TRMT2B: variants seen among roughly 807,000 people sequenced by gnomAD.
TRMT2B encodes tRNA (uracil-5-)-methyltransferase homolog B.
Under a neutral mutation model 39.7 loss-of-function variants are expected in TRMT2B, and 34 were observed. The observed-to-expected ratio is 0.86, with a 90% confidence interval of 0.65 to 1.14. TRMT2B has a LOEUF of 1.14. TRMT2B is among the 50% of genes most tolerant of loss of function. The pLI is 0.00. For missense variants in TRMT2B, 318 were observed against 377.2 expected (o/e 0.84, Z 1.30); for synonymous variants, 132 against 137.3 (o/e 0.96, Z 0.27).
the TRMT2B span, chrX:100,990,824 G>C: frequency 2.8e-6 from 1 of 353,712 alleles, no homozygotes; most frequent in East Asian, 5.3e-5. Context: ...GAACTTCTTT[G>C]CTGAGAATTA....
At chrX:100,999,552 C>G in the TRMT2B span, among the ~76,000 whole-genome samples, 1 of 112,016 alleles carries the variant, frequency 8.9e-6, no homozygotes, top group Non-Finnish European at 1.9e-5. Context: ...TATCTAATAC[C>G]ATAATACTGT....
the TRMT2B span, chrX:100,990,341 G>A: frequency 3.2e-6 from 3 of 923,679 alleles, no homozygotes; most frequent in Non-Finnish European, 4.0e-6. Context: ...AACAGAGAAA[G>A]TAAAAGAAAG....
chrX:100,988,040 T>A, the TRMT2B span, among the ~76,000 whole-genome samples: 8 of 110,718 alleles, frequency 7.2e-5, no homozygotes, highest in Non-Finnish European at 1.9e-5. Context: ...GTGATCAGAG[T>A]TTTGAGGAGC....
the TRMT2B span, among the ~76,000 whole-genome samples, chrX:100,989,071 C>A: frequency 1.1e-3 from 123 of 109,423 alleles, no homozygotes; most frequent in Non-Finnish European, 2.0e-3. Context: ...AATTAGGATG[C>A]ATCTATGCCA....
chrX:100,991,300 C>G, the TRMT2B span, among the ~76,000 whole-genome samples: 5 of 111,589 alleles, frequency 4.5e-5, no homozygotes, highest in African/African-American at 1.6e-4. Context: ...GATGCTCAAT[C>G]TATATTACCT....
chrX:101,004,497 G>A (rs1292300365), downstream of TRMT2B, among the ~76,000 whole-genome samples: 2 of 99,840 alleles, frequency 2.0e-5, no homozygotes, highest in Non-Finnish European at 4.2e-5. Flanking sequence ...GTTTTGTTTC[G>A]TTTTTGTTTT....
the TRMT2B span, among the ~76,000 whole-genome samples, chrX:100,993,242 G>A: frequency 1.8e-5 from 2 of 111,967 alleles, no homozygotes; most frequent in African/African-American, 6.5e-5. Flanking sequence ...TAAAAATCCA[G>A]ATCTCATGTG....
At chrX:100,977,347 G>A in the TRMT2B span, among the ~76,000 whole-genome samples, 3 of 96,728 alleles carry the variant, frequency 3.1e-5, no homozygotes. Context: ...CCACCCTGTA[G>A]TAATTATCCT....
intron 7 of TRMT2B, 144 bp downstream of exon 7, chrX:101,035,469 C>A: frequency 2.0e-6 from 1 of 512,059 alleles, no homozygotes. Flanking sequence ...ATGTTTTCTC[C>A]ATAGTTAGAA....
chrX:101,006,678 G>A (rs180993189), downstream of TRMT2B, among the ~76,000 whole-genome samples: 5 of 109,752 alleles, frequency 4.6e-5, no homozygotes, highest in African/African-American at 1.3e-4. Context: ...TAGCAAACAC[G>A]TGTAGTCCCA....
chrX:101,016,642 G>GTGTTTT (rs760927979), intron 13 of TRMT2B, among the ~76,000 whole-genome samples: 3 of 57,614 alleles, frequency 5.2e-5, no homozygotes, highest in African/African-American at 7.3e-5. Context: ...AATTTTCGTG[G>GTGTTTT]TTTTTTTTTT....
At chrX:100,993,233 A>G in the TRMT2B span, among the ~76,000 whole-genome samples, 1 of 112,036 alleles carries the variant, frequency 8.9e-6, no homozygotes, top group East Asian at 2.8e-4. Flanking sequence ...AGCTGCTCCT[A>G]AAAATCCAGA....
At chrX:100,984,679 C>T in the TRMT2B span, among the ~76,000 whole-genome samples, 12,131 of 111,460 alleles carry the variant, frequency 0.11, 911 homozygotes, top group African/African-American at 0.26. Context: ...ATATAGCTTA[C>T]GTTTTAGTTG....
intron 2 of TRMT2B, among the ~76,000 whole-genome samples, chrX:101,049,830 A>G (rs1486138948): frequency 9.1e-6 from 1 of 109,954 alleles, no homozygotes. Flanking sequence ...TACGTATTCG[A>G]TATGGAGGAT....
intron 2 of TRMT2B, among the ~76,000 whole-genome samples, chrX:101,042,739 AACACAGT>A (rs1414596018): frequency 3.6e-5 from 4 of 111,966 alleles, no homozygotes; most frequent in African/African-American, 1.3e-4. Flanking sequence ...ATTAGGAAAT[AACACAGT>A]ATGCTTGGTT....
the TRMT2B span, chrX:100,985,806 T>C: frequency 5.8e-6 from 7 of 1,209,666 alleles, no homozygotes; most frequent in South Asian, 1.1e-4. Context: ...CACAGGCCCA[T>C]GGGCTTGTTT....
chrX:101,020,352 T>C (rs940282439), intron 11 of TRMT2B, 135 bp downstream of exon 11: 5 of 501,978 alleles, frequency 1.0e-5, no homozygotes, highest in Admixed American at 9.4e-5. Flanking sequence ...AGAAAACCAT[T>C]CTGACCCCTC....
chrX:101,019,033 G>A lies in TRMT2B; in HGVS notation c.1326C>T (p.Ala442=). ...KVIQAIRNFR[A]IHTLVFVSCK... ...AGGAAACAAAAACTAGCGTGTGGAT[G>A]GCCCTGAAGTTTCGAATGGCTTGAA... The change falls in exon 13 of 14, where the codon GCC becomes GCT. Residue 442 remains alanine (A), a synonymous_variant. Coordinates refer to ENST00000372936, the MANE Select transcript of TRMT2B (RefSeq NM_024917.6). 1 of 1,208,622 alleles carries A rather than the reference G, an allele frequency of 8.3e-7. No homozygotes were observed. The highest frequency in any genetic ancestry group is 1.1e-6 in the Non-Finnish European group (1 of 892,723).
intron 13 of TRMT2B, among the ~76,000 whole-genome samples, chrX:101,011,968 A>G (rs1336819069): frequency 9.0e-6 from 1 of 111,680 alleles, no homozygotes; most frequent in Non-Finnish European, 1.9e-5. Flanking sequence ...ATCTCCTATG[A>G]TAACAATGCC....
Sources: allele counts gnomAD v4.1 joint callset (sites outside exome capture counted in the v4.1 genomes callset), GRCh38; gene constraint gnomAD v4.1.1; transcripts MANE v1.5; gene names NCBI Gene and HGNC (gene_info 2026-07-23, HGNC 2026-07-21).